P4HB: variants seen among roughly 807,000 people sequenced by gnomAD.
P4HB encodes the protein protein disulfide-isomerase.
P4HB carries 20 observed loss-of-function variants against 52.6 expected under a neutral mutation model. That is an observed-to-expected ratio of 0.38 (90% CI 0.27 to 0.55). The LOEUF (loss-of-function observed/expected upper bound fraction) is 0.55, where lower values mean the gene tolerates loss of function less well. P4HB is among the 20% of genes least tolerant of loss of function. The pLI, the probability that P4HB is intolerant of heterozygous loss-of-function variation, is 0.74. For missense variants in P4HB, 601 were observed against 669.2 expected (o/e 0.90, Z 1.12); for synonymous variants, 296 against 277.9 (o/e 1.07, Z -0.65).
chr17:81,855,979 C>T lies in P4HB; in HGVS notation c.353-393G>A, dbSNP rs2038907070. ...CACCCACTGGGCTCAAGCAATCTTC[C>T]CAACCTCAGCCTCCTGAGTATCTGG... On this transcript the variant is annotated intron_variant, in intron 2 of 10. Coordinates refer to ENST00000331483, the MANE Select transcript of P4HB (RefSeq NM_000918.4). This position sits in a 1 kb window ranked among gnomAD's most constrained non-coding sequence, Gnocchi z 4.3. 5.7e-6 allele frequency: 1 copy of T among 176,972 alleles called. No individual in the cohort carries two copies. Among genetic ancestry groups the T allele is most frequent in the African/African-American group, 2.4e-5 (1 of 42,006 alleles). 11.0% of individuals were successfully genotyped at this position (176,972 alleles called of 1,614,324 possible).
Position 81,860,502 on chromosome 17 carries a change from T to G in P4HB, c.-31A>C. ...ACACGGATCAGGCGGGGCGCTTCGGTTGGCGCCGCCGGGACAGCGGGGGCG... is the reference window on the plus strand; with the variant it reads ...ACACGGATCAGGCGGGGCGCTTCGGGTGGCGCCGCCGGGACAGCGGGGGCG... On this transcript the variant is annotated 5_prime_UTR_variant, in exon 1 of 11. Coordinates refer to ENST00000331483, the MANE Select transcript of P4HB (RefSeq NM_000918.4). 1 of 1,244,460 alleles carries G rather than the reference T, an allele frequency of 8.0e-7. No individual in the cohort carries two copies. The allele number at this position is 1,244,460 out of a possible 1,614,324, so 77.1% of individuals were successfully genotyped here.
At chr17:81,847,385 C>A in intron 4 of P4HB, 38 bp from the exon 5 acceptor site, 2 of 1,549,320 alleles carry the variant, frequency 1.3e-6, no homozygotes, top group Non-Finnish European at 1.8e-6. Context: ...AGCATTGCTG[C>A]TGGGAGCACA....
At chr17:81,856,416 C>T (rs1171651721) in intron 2 of P4HB, among the ~76,000 whole-genome samples, 2 of 150,444 alleles carry the variant, frequency 1.3e-5, no homozygotes, top group Admixed American at 6.7e-5. Context: ...CGGCTCACTG[C>T]AACCTCCACC....
intron 10 of P4HB, among the ~76,000 whole-genome samples, chr17:81,844,547 G>A (rs1345245262): frequency 1.3e-5 from 2 of 152,136 alleles, no homozygotes; most frequent in Non-Finnish European, 2.9e-5. Context: ...CAGCACCAGG[G>A]GCCGGCCCTC....
At chr17:81,849,318 A>G (rs1285933113) in intron 4 of P4HB, among the ~76,000 whole-genome samples, 1 of 151,654 alleles carries the variant, frequency 6.6e-6, no homozygotes, top group Non-Finnish European at 1.5e-5. Context: ...CAACATGGTA[A>G]AACGTCGTCT....
intron 8 of P4HB, 39 bp downstream of exon 8, chr17:81,845,832 G>C (rs1214792505): frequency 6.2e-7 from 1 of 1,613,936 alleles, no homozygotes; most frequent in East Asian, 2.2e-5. Context: ...CGCGTGCCCT[G>C]GTGGCACGGA....
intron 4 of P4HB, among the ~76,000 whole-genome samples, chr17:81,851,227 G>A (rs2038826422): frequency 1.3e-5 from 2 of 152,180 alleles, no homozygotes. Flanking sequence ...CCTGCACCCG[G>A]CCTCCTCAAA....
rs555831798 is a variant in P4HB at position 81,858,226 on chromosome 17, C to G, written c.352+955G>C. ...GGCAGAGGTTGCAGTGAGCAGAGAT[C>G]GCACCACTGCACGACAGAGCGAGAC... On this transcript the variant is annotated intron_variant, in intron 2 of 10. Coordinates refer to ENST00000331483, the MANE Select transcript of P4HB (RefSeq NM_000918.4). 1.4e-4 allele frequency among the ~76,000 whole-genome samples: 18 copies of G among 129,692 alleles called. No individual in the cohort carries two copies. The South Asian group carries it at 4.2e-3, about 30-fold the overall frequency. The allele number at this position is 129,692 out of a possible 152,430, so 85.1% of individuals were successfully genotyped here.
chr17:81,850,184 G>C (rs1218117885), intron 4 of P4HB, among the ~76,000 whole-genome samples: 1 of 151,346 alleles, frequency 6.6e-6, no homozygotes, highest in East Asian at 1.9e-4. Flanking sequence ...CCAGGCTAGA[G>C]TGCAGTGGCA....
chr17:81,860,254 G>T lies in P4HB; in HGVS notation c.145+73C>A, dbSNP rs570931032. On this transcript the variant is annotated intron_variant, in intron 1 of 10. Coordinates refer to ENST00000331483, the MANE Select transcript of P4HB (RefSeq NM_000918.4). ...GGGGGTCCCGACCCCGGGGGCTGCC[G>T]GGCCGTGCCTGCGTCCCAAGAGCCT... is the stretch of plus-strand genomic sequence containing the variant. 3,618 of 1,239,998 alleles carry T rather than the reference G, an allele frequency of 2.9e-3. 17 individuals are homozygous for T. Among genetic ancestry groups the T allele is most frequent in the Non-Finnish European group, 2.8e-3 (2,746 of 969,868 alleles). The allele number at this position is 1,239,998 out of a possible 1,614,324, so 76.8% of individuals were successfully genotyped here.
At chr17:81,856,277 C>T (rs2038910708) in intron 2 of P4HB, among the ~76,000 whole-genome samples, 1 of 151,982 alleles carries the variant, frequency 6.6e-6, no homozygotes, top group Non-Finnish European at 1.5e-5. Flanking sequence ...AGCAATCCTC[C>T]TACCTCAGGC....
At chr17:81,859,002 G>A (rs950030147) in intron 2 of P4HB, 179 bp downstream of exon 2, 4 of 607,136 alleles carry the variant, frequency 6.6e-6, no homozygotes, top group Non-Finnish European at 1.2e-5. Context: ...CTTCCAGGAT[G>A]AAAACTCCTC....
chr17:81,856,831 G>C (rs1359852123), intron 2 of P4HB, among the ~76,000 whole-genome samples: 2 of 151,660 alleles, frequency 1.3e-5, no homozygotes, highest in Non-Finnish European at 1.5e-5. Flanking sequence ...TGTATTTTTA[G>C]TAGAGACGGG....
intron 4 of P4HB, among the ~76,000 whole-genome samples, chr17:81,854,027 G>C (rs959677006): frequency 6.6e-6 from 1 of 152,236 alleles, no homozygotes; most frequent in Non-Finnish European, 1.5e-5. Context: ...CTGTCCAGGA[G>C]CCCTTCCCCA....
chr17:81,845,406 CT>C (rs2038718509), intron 9 of P4HB, 154 bp downstream of exon 9: 1 of 854,894 alleles, frequency 1.2e-6, no homozygotes. Context: ...TCCCATCTCT[CT>C]CGAAAAACAA....
At chr17:81,849,539 T>G (rs1264247641) in intron 4 of P4HB, among the ~76,000 whole-genome samples, 2 of 152,100 alleles carry the variant, frequency 1.3e-5, no homozygotes, top group Non-Finnish European at 2.9e-5. Context: ...AAACGATTTT[T>G]TACATTCTTA....
intron 4 of P4HB, among the ~76,000 whole-genome samples, chr17:81,852,924 A>G (rs2038854890): frequency 6.6e-6 from 1 of 152,246 alleles, no homozygotes; most frequent in Admixed American, 6.5e-5. Flanking sequence ...GTTTCAGGAC[A>G]AGACTTGGAA....
chr17:81,849,084 G>C (rs899833796), intron 4 of P4HB, among the ~76,000 whole-genome samples: 4 of 151,958 alleles, frequency 2.6e-5, no homozygotes, highest in African/African-American at 7.3e-5. Flanking sequence ...AAATCAGTTG[G>C]GTATGGTGGC....
intron 10 of P4HB, among the ~76,000 whole-genome samples, chr17:81,844,686 C>A (rs1296161211): frequency 6.6e-6 from 1 of 152,224 alleles, no homozygotes; most frequent in Non-Finnish European, 1.5e-5. Context: ...CCTGCCGCAT[C>A]CTCCCAACAC....
Sources: allele counts gnomAD v4.1 joint callset (sites outside exome capture counted in the v4.1 genomes callset), GRCh38; gene constraint gnomAD v4.1.1; non-coding constraint Gnocchi (gnomAD v3.1); transcripts MANE v1.5; gene names NCBI Gene and HGNC (gene_info 2026-07-23, HGNC 2026-07-21).